Variants in ARHGEF7 observed in about 807,000 individuals in gnomAD.
ARHGEF7 encodes PAK-interacting exchange factor beta.
In ARHGEF7, 33 loss-of-function variants were observed where a neutral mutation model predicts 109.8. That is an observed-to-expected ratio of 0.30 (90% CI 0.23 to 0.40). The LOEUF (loss-of-function observed/expected upper bound fraction) is 0.40, where lower values mean the gene tolerates loss of function less well. Ranked by LOEUF, ARHGEF7 falls within the 10% of genes least tolerant of loss-of-function variation. The probability of loss-of-function intolerance (pLI) is 1.00; values close to 1 mark genes in which losing one functional copy is unlikely to be tolerated. For missense variants in ARHGEF7, 938 were observed against 1,098.5 expected (o/e 0.85, Z 2.07); for synonymous variants, 458 against 424.6 (o/e 1.08, Z -0.97).
At chr13:111,158,885 TAA>T (rs2076542685) in intron 2 of ARHGEF7, 1 of 609,576 alleles carries the variant, frequency 1.6e-6, no homozygotes, top group Non-Finnish European at 3.0e-6. Context: ...ATTTAAAATC[TAA>T]TCTTTTAGCA....
chr13:111,205,418 G>A (rs371249721), intron 3 of ARHGEF7, 45 bp downstream of exon 3: 19 of 1,372,580 alleles, frequency 1.4e-5, no homozygotes, highest in Non-Finnish European at 1.6e-5. Context: ...GAAGACATAC[G>A]GGCTGACACC....
At chr13:111,284,809 T>C (rs1046344900) in intron 16 of ARHGEF7, among the ~76,000 whole-genome samples, 1 of 151,718 alleles carries the variant, frequency 6.6e-6, no homozygotes, top group South Asian at 2.1e-4. Context: ...CAGCCCGCTC[T>C]GCCTGGCTCT....
chr13:111,172,271 C>T (rs2077672790), intron 2 of ARHGEF7, among the ~76,000 whole-genome samples: 1 of 152,026 alleles, frequency 6.6e-6, no homozygotes, highest in African/African-American at 2.4e-5. Context: ...AAATGTGGTC[C>T]TGGAAGTATA....
rs908220051 is a variant in ARHGEF7, at chr13:111,272,225, C to T, written c.1074-1589C>T. 6.6e-6 allele frequency among the ~76,000 whole-genome samples: 1 copy of T among 152,188 alleles called. No homozygotes were observed. The highest frequency in any genetic ancestry group is 2.4e-5 in the African/African-American group (1 of 41,450). ...GGCACCACCCTGGCTCTCAGTCCTC[C>T]TTATGGGAAGCTGTGTTTAGGTTGA... On this transcript the variant is annotated intron_variant, in intron 9 of 21. Coordinates refer to ENST00000646102, the MANE Select transcript of ARHGEF7 (RefSeq NM_001354046.2). The surrounding 1 kb of genome is among the most constrained non-coding windows in gnomAD (Gnocchi z 5.2).
intron 19 of ARHGEF7, chr13:111,294,261 C>A (rs1218741831): frequency 2.0e-6 from 2 of 985,268 alleles, no homozygotes; most frequent in African/African-American, 1.7e-5. Context: ...TAGTCCTCTG[C>A]GTCAGGGAGC....
intron 2 of ARHGEF7, among the ~76,000 whole-genome samples, chr13:111,165,647 T>C (rs2077068715): frequency 6.6e-6 from 1 of 152,198 alleles, no homozygotes; most frequent in Non-Finnish European, 1.5e-5. Context: ...CTGTAGTCTG[T>C]TGAACCGACT....
At chr13:111,295,991 C>G (rs910532300) in intron 19 of ARHGEF7, among the ~76,000 whole-genome samples, 1 of 152,232 alleles carries the variant, frequency 6.6e-6, no homozygotes, top group African/African-American at 2.4e-5. Context: ...CATGCATGCA[C>G]ACCACACTGG....
Position 111,209,920 on chromosome 13 carries a change from G to T in ARHGEF7, c.386G>T (p.Arg129Leu), listed in dbSNP as rs780851372. Residue 129 changes from arginine (R) to leucine (L), a missense_variant, in exon 4 of 22, where the codon CGC becomes CTC. Physicochemically the swap from Arg to Leu is moderately radical, Grantham distance 102. Coordinates refer to ENST00000646102, the MANE Select transcript of ARHGEF7 (RefSeq NM_001354046.2). ...GTGTGTGCCCGGCCCTCGTCTCACC[G>T]CATAAAGTCTTTTGACTCCCTTGGA... ...DSVCARPSSH[R>L]IKSFDSLGSQ... 1 of 1,614,158 alleles carries T rather than the reference G, an allele frequency of 6.2e-7. No homozygotes were observed. The highest frequency in any genetic ancestry group is 8.5e-7 in the Non-Finnish European group (1 of 1,180,026).
intron 19 of ARHGEF7, chr13:111,293,267 C>G: frequency 1.0e-6 from 1 of 985,364 alleles, no homozygotes; most frequent in African/African-American, 1.7e-5. Flanking sequence ...CCCCTGACAT[C>G]CATACTTATG....
At chr13:111,198,470 C>T (rs556117490) in intron 2 of ARHGEF7, among the ~76,000 whole-genome samples, 2 of 152,058 alleles carry the variant, frequency 1.3e-5, no homozygotes, top group South Asian at 4.2e-4. Context: ...TCCATTCCTT[C>T]AGATGTGTCC....
At chr13:111,182,037 A>AC (rs2078790097) in intron 2 of ARHGEF7, 1 of 152,240 alleles carries the variant, frequency 6.6e-6, no homozygotes, top group Non-Finnish European at 1.5e-5. Context: ...GGATGGAATA[A>AC]CTTGAACCTG....
chr13:111,190,535 C>A (rs1363130090), intron 2 of ARHGEF7, among the ~76,000 whole-genome samples: 1 of 152,134 alleles, frequency 6.6e-6, no homozygotes, highest in South Asian at 2.1e-4. Flanking sequence ...TTATTTCTTG[C>A]AAACTGAGAA....
intron 15 of ARHGEF7, among the ~76,000 whole-genome samples, chr13:111,281,564 A>C (rs547474638): frequency 3.3e-5 from 5 of 152,280 alleles, no homozygotes; most frequent in Non-Finnish European, 4.4e-5. Context: ...GTAACTACTC[A>C]TTGGCTTTTA....
chr13:111,153,560 A>T, intron 1 of ARHGEF7: 1 of 984,222 alleles, frequency 1.0e-6, no homozygotes, highest in Non-Finnish European at 1.2e-6. Flanking sequence ...CCGGCAAAGC[A>T]GGGTGGGCTG....
chr13:111,235,668 A>G (rs980094354), intron 6 of ARHGEF7, among the ~76,000 whole-genome samples: 1 of 152,260 alleles, frequency 6.6e-6, no homozygotes, highest in African/African-American at 2.4e-5. Flanking sequence ...CCAAGGTTAT[A>G]CACTGGTTAC....
chr13:111,221,081 A>C (rs1023971828), intron 5 of ARHGEF7, among the ~76,000 whole-genome samples: 15 of 144,844 alleles, frequency 1.0e-4, no homozygotes, highest in South Asian at 4.3e-4. Flanking sequence ...ATACATATAC[A>C]TCCCCCTATT....
chr13:111,298,431 G>A (rs1317398154), intron 19 of ARHGEF7, among the ~76,000 whole-genome samples: 2 of 152,076 alleles, frequency 1.3e-5, no homozygotes, highest in Admixed American at 6.6e-5. Context: ...AGCATTACCC[G>A]TTAGCCAGGA....
intron 13 of ARHGEF7, among the ~76,000 whole-genome samples, chr13:111,278,564 C>T (rs1040096744): frequency 5.3e-5 from 8 of 152,172 alleles, no homozygotes; most frequent in Admixed American, 6.5e-5. Context: ...CACCAACACA[C>T]GTGCTTTAGA....
intron 2 of ARHGEF7, among the ~76,000 whole-genome samples, chr13:111,185,969 T>TGTGTGTGC (rs2079208650): frequency 8.2e-6 from 1 of 121,798 alleles, no homozygotes; most frequent in Non-Finnish European, 1.8e-5. Flanking sequence ...CTCGTGTGTG[T>TGTGTGTGC]GTGTGTGTGT....
Sources: gnomAD v4.1 joint callset for allele counts (sites outside exome capture counted in the v4.1 genomes callset) on GRCh38, gnomAD v4.1.1 for gene constraint, Gnocchi (gnomAD v3.1) non-coding constraint, MANE v1.5 for transcripts, NCBI Gene and HGNC (gene_info 2026-07-23, HGNC 2026-07-21) for gene names.